Variants in RAD52 observed in about 807,000 individuals in gnomAD.
The protein encoded by RAD52 is RAD52 DNA repair protein.
RAD52 carries 47 observed loss-of-function variants against 55.5 expected under a neutral mutation model. The observed-to-expected ratio is 0.85, with a 90% CI of 0.67 to 1.08. The LOEUF (loss-of-function observed/expected upper bound fraction) is 1.08, where lower values mean the gene tolerates loss of function less well. Ranked by LOEUF, RAD52 falls within the 50% of genes least tolerant of loss-of-function variation. The probability of loss-of-function intolerance (pLI) is 0.00; values close to 1 mark genes in which losing one functional copy is unlikely to be tolerated. For synonymous variants in RAD52, 184 were observed against 198.9 expected (o/e 0.92, Z 0.63); for missense variants, 468 against 522.8 (o/e 0.90, Z 1.02).
chr12:959,435 G>C (rs1248011423), intron 1 of RAD52, among the ~76,000 whole-genome samples: 2 of 152,192 alleles, frequency 1.3e-5, no homozygotes, highest in African/African-American at 4.8e-5. Flanking sequence ...CTGTCACGGA[G>C]CTTACAATAA....
chr12:988,984 G>T (rs920478373), intron 1 of RAD52, among the ~76,000 whole-genome samples: 2 of 151,882 alleles, frequency 1.3e-5, no homozygotes, highest in African/African-American at 2.4e-5. Flanking sequence ...TTTAAAGTGG[G>T]TGGGTAGGAA....
chr12:979,773 T>C (rs7132729), intron 1 of RAD52, among the ~76,000 whole-genome samples: 116,783 of 152,046 alleles, frequency 0.77, 46,776 homozygotes, highest in East Asian at 0.98. Context: ...CTTGGCCGGG[T>C]GCGGTGGCTC....
chr12:915,952 C>T (rs947339959), intron 9 of RAD52, among the ~76,000 whole-genome samples: 4 of 152,114 alleles, frequency 2.6e-5, no homozygotes, highest in Non-Finnish European at 4.4e-5. Context: ...CCTGACCTCA[C>T]GTGATCCGCC....
intron 1 of RAD52, among the ~76,000 whole-genome samples, chr12:938,184 A>G (rs1386626808): frequency 2.0e-5 from 3 of 152,306 alleles, no homozygotes; most frequent in African/African-American, 7.2e-5. Context: ...ATCAAACTTA[A>G]TGTCACCAAT....
chr12:990,893 C>G (rs982351801), upstream of RAD52, among the ~76,000 whole-genome samples: 1 of 151,944 alleles, frequency 6.6e-6, no homozygotes, highest in Non-Finnish European at 1.5e-5. Flanking sequence ...CCTGCGCTCG[C>G]GGAGCCGACC....
chr12:917,887 C>T (rs913177846), intron 7 of RAD52, among the ~76,000 whole-genome samples: 19 of 151,750 alleles, frequency 1.3e-4, no homozygotes, highest in Admixed American at 1.1e-3. Flanking sequence ...TTGCAGTGGG[C>T]GGAGATCGCA....
At chr12:982,444 T>C (rs1959029747) in intron 1 of RAD52, among the ~76,000 whole-genome samples, 2 of 152,160 alleles carry the variant, frequency 1.3e-5, no homozygotes, top group Non-Finnish European at 2.9e-5. Flanking sequence ...AACAGTTTGG[T>C]TAGAAATCTC....
chr12:935,679 C>T (rs1403005767), intron 1 of RAD52, among the ~76,000 whole-genome samples: 2 of 150,504 alleles, frequency 1.3e-5, no homozygotes, highest in Non-Finnish European at 3.0e-5. Context: ...CATGGAAAAA[C>T]CCCGTCTCTA....
At chr12:975,663 C>T (rs938742906) in intron 1 of RAD52, 2 of 152,212 alleles carry the variant, frequency 1.3e-5, no homozygotes, top group African/African-American at 4.8e-5. Flanking sequence ...CCTGATACAT[C>T]CTCCTGCTCC....
chr12:919,171 A>C (rs1341434776), intron 7 of RAD52, among the ~76,000 whole-genome samples: 2 of 152,116 alleles, frequency 1.3e-5, no homozygotes, highest in Non-Finnish European at 2.9e-5. Context: ...TCACTTAGGA[A>C]ATGGTGGCTC....
intron 7 of RAD52, among the ~76,000 whole-genome samples, chr12:918,663 G>T (rs1956540311): frequency 6.6e-6 from 1 of 152,016 alleles, no homozygotes; most frequent in Non-Finnish European, 1.5e-5. Flanking sequence ...TTCTTCCTTG[G>T]CCTCTCAAGT....
At chr12:974,030 G>A (rs1189782872) in intron 1 of RAD52, 3 of 152,052 alleles carry the variant, frequency 2.0e-5, no homozygotes, top group Admixed American at 2.0e-4. Flanking sequence ...TGAATGTGAA[G>A]CATGAGAGAG....
intron 1 of RAD52, among the ~76,000 whole-genome samples, chr12:980,824 A>G (rs1959004769): frequency 6.6e-6 from 1 of 152,084 alleles, no homozygotes; most frequent in Non-Finnish European, 1.5e-5. Context: ...CTGCCATAAC[A>G]AAATACCACA....
At position 914,501 on chromosome 12, in the gene RAD52, G is replaced by A; in HGVS notation, c.897C>T (p.Ser299=). ...GTGGTTCTGAGACAGTTACAGGAGT[G>A]CTGTGCGTCACAGGAGGGGCCGGAG... ...AAPPAPPVTH[S]TPVTVSEPLL... The change falls in exon 10 of 12, where the codon AGC becomes AGT. Residue 299 remains serine (S), a synonymous_variant. Coordinates refer to ENST00000358495, the MANE Select transcript of RAD52 (RefSeq NM_134424.4). 1.2e-6 allele frequency: 2 copies of A among 1,613,736 alleles called. No individual in the cohort carries two copies. Among genetic ancestry groups the A allele is most frequent in the Non-Finnish European group, 1.7e-6 (2 of 1,179,838 alleles).
At position 913,981 on chromosome 12, in the gene RAD52, T is replaced by G. The variant is rs763366318; in HGVS notation, c.1108A>C (p.Thr370Pro). ...LNNQMVTQNR[T>P]PHSVCHQKPQ... ...TTCTGGTGGCAAACGCTGTGTGGAG[T>G]CCTGTTCTGGGTCACCATCTGGTTG... The change falls in exon 11 of 12, where the codon ACT (threonine) becomes CCT (proline). Residue 370 changes from threonine (T) to proline (P), a missense_variant. Coordinates refer to ENST00000358495, the MANE Select transcript of RAD52 (RefSeq NM_134424.4). 19 of 1,613,944 alleles carry G rather than the reference T, an allele frequency of 1.2e-5. No individual in the cohort carries two copies. In the African/African-American group the frequency reaches 2.4e-4, roughly 20 times the overall value.
At chr12:940,285 A>C (rs377225451) in intron 1 of RAD52, among the ~76,000 whole-genome samples, 1 of 151,856 alleles carries the variant, frequency 6.6e-6, no homozygotes, top group Non-Finnish European at 1.5e-5. Context: ...TCTGGGAAGA[A>C]GGAGAAAAAG....
At position 969,084 on chromosome 12, in the gene RAD52, G is replaced by A. The variant is rs140628655; in HGVS notation, c.-19+20725C>T. On this transcript the variant is annotated intron_variant, in intron 1 of 11. Coordinates refer to the RAD52 transcript ENST00000430095. Reference sequence around the variant, plus strand: ...TAAACAATACAGTATAACAATATACGTAGCATTTACTTTGTATTAGATATT... The same window carrying A: ...TAAACAATACAGTATAACAATATACATAGCATTTACTTTGTATTAGATATT... 8.7e-4 allele frequency among the ~76,000 whole-genome samples: 133 copies of A among 152,096 alleles called. 1 individual carries two copies. Among genetic ancestry groups the A allele is most frequent in the South Asian group, 5.8e-3 (28 of 4,826 alleles).
intron 1 of RAD52, among the ~76,000 whole-genome samples, chr12:940,957 T>C (rs958081306): frequency 1.3e-4 from 20 of 152,092 alleles, no homozygotes; most frequent in African/African-American, 4.6e-4. Context: ...TGAACTCACA[T>C]ACAGAAGAAG....
intron 1 of RAD52, among the ~76,000 whole-genome samples, chr12:983,907 T>A (rs1219859336): frequency 6.6e-6 from 1 of 152,182 alleles, no homozygotes; most frequent in Non-Finnish European, 1.5e-5. Context: ...CTTCAACATA[T>A]GAATTTTGGA....
Sources: gnomAD v4.1 joint callset for allele counts (sites outside exome capture counted in the v4.1 genomes callset) on GRCh38, gnomAD v4.1.1 for gene constraint, MANE v1.5 for transcripts, NCBI Gene and HGNC (gene_info 2026-07-23, HGNC 2026-07-21) for gene names.